The following FAAP20 variants were observed in gnomAD, a reference collection of about 807,000 sequenced individuals.
FAAP20 encodes Fanconi anemia core complex-associated protein 20.
In FAAP20, 12 loss-of-function variants were observed where a neutral mutation model predicts 16.2. The observed-to-expected ratio is 0.74, with a 90% CI of 0.48 to 1.20. FAAP20 has a LOEUF of 1.20. Among genes scored for constraint, FAAP20 ranks in the 50% most tolerant of loss-of-function variants. The pLI is 0.00. For missense variants in FAAP20, 288 were observed against 245.8 expected (o/e 1.17, Z -1.15); for synonymous variants, 141 against 110.7 (o/e 1.27, Z -1.72).
At position 2,194,104 on chromosome 1, in the gene FAAP20, A is replaced by G. The variant is rs146607591; in HGVS notation, c.92T>C (p.Leu31Pro). 3,490 of 1,612,278 alleles carry G rather than the reference A, an allele frequency of 2.2e-3. 8 individuals are homozygous for G. Among genetic ancestry groups the G allele is most frequent in the Non-Finnish European group, 2.6e-3 (3,041 of 1,179,840 alleles). Reference sequence around the variant, plus strand: ...GAGCCGCTCCCGCTCATCACCCCCCAGGAGAAACCAGGGGCGGCCGCCAGA... The same window carrying G: ...GAGCCGCTCCCGCTCATCACCCCCCGGGAGAAACCAGGGGCGGCCGCCAGA... ...GPSGGRPWFL[L>P]GGDERERLWA... The change falls in exon 2 of 4, where the codon CTG (leucine) becomes CCG (proline). Residue 31 changes from leucine (L) to proline (P), a missense_variant. By Grantham distance (98) the Leu-to-Pro change is moderately conservative (BLOSUM62 -3). Transcript: ENST00000378546.
upstream of FAAP20, among the ~76,000 whole-genome samples, chr1:2,202,332 C>G (rs1441676508): frequency 6.6e-6 from 1 of 152,242 alleles, no homozygotes; most frequent in African/African-American, 2.4e-5. Context: ...TGACAGCCAA[C>G]AACCCTACTT....
At chr1:2,196,181 C>T (rs1027593113), upstream of FAAP20, among the ~76,000 whole-genome samples, 10 of 152,216 alleles carry the variant, frequency 6.6e-5, no homozygotes, top group Non-Finnish European at 1.2e-4. This position sits in a 1 kb window ranked among gnomAD's most constrained non-coding sequence, Gnocchi z 4.5. Context: ...GCTTCAGCTC[C>T]GAGCTTCTGG....
At chr1:2,187,291 T>TC (rs1411908287), downstream of FAAP20, 2 of 413,044 alleles carry the variant, frequency 4.8e-6, no homozygotes, top group African/African-American at 4.3e-5. Flanking sequence ...TTTTCTTTTT[T>TC]TTTTTCTTTT....
At chr1:2,204,204 A>G (rs1181406191), upstream of FAAP20, among the ~76,000 whole-genome samples, 1 of 152,216 alleles carries the variant, frequency 6.6e-6, no homozygotes, top group Non-Finnish European at 1.5e-5. Context: ...CTATCTCTGC[A>G]GCCCGCGTGT....
At chr1:2,185,663 C>T (rs974991990), downstream of FAAP20, 18 of 626,068 alleles carry the variant, frequency 2.9e-5, no homozygotes, top group East Asian at 2.2e-4. Context: ...CTCACTGGAC[C>T]GATGGGGGAA....
chr1:2,193,957 T>C, intron 2 of FAAP20, 41 bp downstream of exon 2: 1 of 1,612,190 alleles, frequency 6.2e-7, no homozygotes, highest in Non-Finnish European at 8.5e-7. Flanking sequence ...GCTCCCGCCC[T>C]GGAAACCCCT....
upstream of FAAP20, chr1:2,194,869 G>A: frequency 3.3e-6 from 3 of 912,108 alleles, no homozygotes; most frequent in Non-Finnish European, 4.0e-6. Flanking sequence ...GAGACAGTCG[G>A]AACCCCAGGG....
intron 3 of FAAP20, chr1:2,191,946 GT>G: frequency 1.0e-6 from 1 of 985,476 alleles, no homozygotes; most frequent in Non-Finnish European, 1.2e-6. Context: ...ATTCTACATA[GT>G]TTGTCAAATC....
downstream of FAAP20, chr1:2,185,497 G>A: frequency 1.4e-6 from 1 of 717,870 alleles, no homozygotes; most frequent in Non-Finnish European, 2.6e-6. Context: ...CACAGGTGGG[G>A]GCGGGAGTTG....
In FAAP20 at chr1:2,194,670, C is replaced by A; in HGVS notation, c.62+18G>T. On this transcript the variant is annotated intron_variant, in intron 1 of 3. Coordinates refer to ENST00000378546, the MANE Select transcript of FAAP20 (RefSeq NM_182533.4). ...AGCGGGAAAACCGGCCGCGCCCCCG[C>A]CCGGCTCCCGGCCTCACCCGCCCGC... The A allele has an allele frequency of 8.8e-7, 1 of 1,139,844 alleles. No individual in the cohort carries two copies. Among genetic ancestry groups the A allele is most frequent in the East Asian group, 4.4e-5 (1 of 22,806 alleles). 70.6% of individuals were successfully genotyped at this position (1,139,844 alleles called of 1,614,324 possible).
intron 1 of FAAP20, 82 bp from the exon 2 acceptor site, chr1:2,194,215 G>T: frequency 6.4e-7 from 1 of 1,553,402 alleles, no homozygotes; most frequent in South Asian, 1.2e-5. Flanking sequence ...GCCTGGGGCA[G>T]AGAGAGCGGG....
upstream of FAAP20, among the ~76,000 whole-genome samples, chr1:2,197,351 G>A (rs1346626933): frequency 6.6e-6 from 1 of 152,200 alleles, no homozygotes; most frequent in Non-Finnish European, 1.5e-5. Flanking sequence ...GGGCAGAGCC[G>A]AGCAGAAGCA....
In FAAP20 at chr1:2,205,326, G is replaced by C. The variant is rs545640691; in HGVS notation, n.451+979C>G. ...CCACACAAGCAAGCCCCGCCCCGCA[G>C]GGTCCCGCCCACGTTCCGCCCCACC... On this transcript the variant is annotated intron_variant and non_coding_transcript_variant, in intron 3 of 7. Transcript: ENST00000469733. 3.1e-4 allele frequency among the ~76,000 whole-genome samples: 43 copies of C among 137,066 alleles called. 1 individual carries two copies. Among genetic ancestry groups the C allele is most frequent in the African/African-American group, 8.9e-4 (32 of 35,874 alleles). The allele number at this position is 137,066 out of a possible 152,430, so 89.9% of individuals were successfully genotyped here.
At chr1:2,195,333 T>C (rs1296770024), upstream of FAAP20, among the ~76,000 whole-genome samples, 1 of 152,168 alleles carries the variant, frequency 6.6e-6, no homozygotes. Context: ...GACCCCGGGC[T>C]CTGCGACCTC....
downstream of FAAP20, chr1:2,185,111 C>T: frequency 8.7e-7 from 1 of 1,153,510 alleles, no homozygotes; most frequent in African/African-American, 1.5e-5. Flanking sequence ...CGAGGGCGGC[C>T]AGGGACAGAC....
In FAAP20 at chr1:2,194,271, C is replaced by T. The variant is rs1688613831; in HGVS notation, c.63-138G>A. On this transcript the variant is annotated intron_variant, in intron 1 of 3. Coordinates refer to ENST00000378546, the MANE Select transcript of FAAP20 (RefSeq NM_182533.4). ...GAAATTCGATGGTGCGGGAGGTGGC[C>T]GGCAGGGTTGGGGGAAGGGCTGCTG... The T allele has an allele frequency of 3.3e-6, 3 of 918,156 alleles. No individual in the cohort carries two copies. In the South Asian group the frequency reaches 5.3e-5, roughly 16 times the overall value. 56.9% of individuals were successfully genotyped at this position (918,156 alleles called of 1,614,324 possible).
chr1:2,184,572 G>A (rs780482466), downstream of FAAP20: 4 of 1,611,730 alleles, frequency 2.5e-6, no homozygotes, highest in Admixed American at 5.0e-5. Context: ...TTCTCCTATT[G>A]TTTTTCCAAG....
chr1:2,185,154 C>A, downstream of FAAP20: 1 of 815,536 alleles, frequency 1.2e-6, no homozygotes, highest in Non-Finnish European at 2.0e-6. Flanking sequence ...GAAGCGTCAG[C>A]GGGCGCTGCT....
At chr1:2,201,094 T>G (rs1484744512), upstream of FAAP20, 1 of 1,288,822 alleles carries the variant, frequency 7.8e-7, no homozygotes, top group East Asian at 5.5e-5. Flanking sequence ...CTGTGCTTGG[T>G]GCATCCCCTG....
Sources: gnomAD v4.1 joint callset for allele counts (sites outside exome capture counted in the v4.1 genomes callset) on GRCh38, gnomAD v4.1.1 for gene constraint, Gnocchi (gnomAD v3.1) non-coding constraint, MANE v1.5 for transcripts, NCBI Gene and HGNC (gene_info 2026-07-23, HGNC 2026-07-21) for gene names.